Variants in EPHB2 observed in about 807,000 individuals in gnomAD.
The protein encoded by EPHB2 is ephrin type-B receptor 2.
A neutral mutation model predicts 96.4 loss-of-function variants in EPHB2; 18 were observed. That is an observed-to-expected ratio of 0.19 (90% confidence interval 0.13 to 0.28). The LOEUF (loss-of-function observed/expected upper bound fraction) is 0.28, where lower values mean the gene tolerates loss of function less well. EPHB2 is among the 10% of genes least tolerant of loss of function. The probability of loss-of-function intolerance (pLI) is 1.00; values close to 1 mark genes in which losing one functional copy is unlikely to be tolerated. For missense variants in EPHB2, 989 were observed against 1,355.4 expected (o/e 0.73, Z 4.25); for synonymous variants, 506 against 534.1 (o/e 0.95, Z 0.72).
At chr1:22,765,329 T>C (rs1644292742) in intron 1 of EPHB2, among the ~76,000 whole-genome samples, 1 of 151,932 alleles carries the variant, frequency 6.6e-6, no homozygotes, top group Non-Finnish European at 1.5e-5. Context: ...GAAGGATCAC[T>C]TGAGGTCAGG....
rs1457902685 is a variant in EPHB2 at position 22,913,605 on chromosome 1, C to A, written c.*35C>A. The stretch of plus-strand genomic sequence containing the variant: ...GCCTCGGCTCACCTCTTCCTCCAAG[C>A]CCCGCCCCCTCTGCCCCACGTGCCG... On this transcript the variant is annotated 3_prime_UTR_variant, in exon 16 of 16. Transcript: ENST00000374630. The surrounding 1 kb of genome is among the most constrained non-coding windows in gnomAD (Gnocchi z 4.1). The A allele has an allele frequency of 1.1e-5, 18 of 1,612,938 alleles. No homozygotes were observed. Among genetic ancestry groups the A allele is most frequent in the Non-Finnish European group, 1.5e-5 (18 of 1,179,548 alleles).
chr1:22,776,885 G>A (rs763536606), intron 1 of EPHB2, among the ~76,000 whole-genome samples: 3 of 152,230 alleles, frequency 2.0e-5, no homozygotes, highest in African/African-American at 4.8e-5. Flanking sequence ...GAGGAGGCCC[G>A]TGTGCCAAGC....
chr1:22,801,735 A>C (rs957685421), intron 3 of EPHB2, among the ~76,000 whole-genome samples: 2 of 152,100 alleles, frequency 1.3e-5, no homozygotes, highest in Non-Finnish European at 2.9e-5. Flanking sequence ...CTCCCATCCC[A>C]TCCCCTTCCC....
At chr1:22,771,733 G>A (rs971824396) in intron 1 of EPHB2, among the ~76,000 whole-genome samples, 1 of 152,204 alleles carries the variant, frequency 6.6e-6, no homozygotes, top group African/African-American at 2.4e-5. Context: ...AGTAATGCCA[G>A]CTGCCATGAT....
intron 7 of EPHB2, among the ~76,000 whole-genome samples, chr1:22,895,021 G>A (rs917102938): frequency 6.6e-6 from 1 of 152,178 alleles, no homozygotes; most frequent in Non-Finnish European, 1.5e-5. Context: ...TACAGATAAG[G>A]CAACTGAGGC....
intron 1 of EPHB2, among the ~76,000 whole-genome samples, chr1:22,777,265 G>A (rs1644465670): frequency 3.3e-5 from 5 of 152,240 alleles, no homozygotes; most frequent in Admixed American, 3.3e-4. Context: ...TGCAGCTTGA[G>A]GGTGGAATAG....
In EPHB2 at chr1:22,908,549, G is replaced by A. The variant is rs566707239; in HGVS notation, c.2352+381G>A. Among the ~76,000 whole-genome samples, 5 of 152,382 alleles carry A rather than the reference G, an allele frequency of 3.3e-5. No individual in the cohort carries two copies. The South Asian group carries it at 6.2e-4, about 19-fold the overall frequency. The stretch of plus-strand genomic sequence containing the variant: ...AGGGGCAGTGGTAGTGAGCAGTCAC[G>A]CTGGAGAGGTAGACAGGGCTGGACC... On this transcript the variant is annotated intron_variant, in intron 12 of 15. Transcript: ENST00000374630.
At chr1:22,805,749 T>A (rs1333311524) in intron 3 of EPHB2, among the ~76,000 whole-genome samples, 2 of 151,646 alleles carry the variant, frequency 1.3e-5, no homozygotes, top group Non-Finnish European at 2.9e-5. Flanking sequence ...AGAGAGAGAT[T>A]GGGAGGGAGA....
rs560378330 is a variant in EPHB2 at position 22,906,027 on chromosome 1, C to T, written c.1806C>T (p.Tyr602=). 1.4e-4 allele frequency: 220 copies of T among 1,614,238 alleles called. 1 individual carries two copies. In the South Asian group the frequency reaches 1.7e-3, roughly 12 times the overall value. ...AGATCTACATCGATCCTTTCACCTA[C>T]GAGGACCCCAACGAGGCAGTGCGGG... ...GMKIYIDPFT[Y]EDPNEAVREF... is the part of the protein sequence containing the mutation. Residue 602 remains tyrosine, a synonymous_variant, in exon 10 of 16, where the codon TAC becomes TAT. Coordinates refer to ENST00000374630, the MANE Select transcript of EPHB2 (RefSeq NM_017449.5). The surrounding 1 kb of genome is among the most constrained non-coding windows in gnomAD (Gnocchi z 4.8).
chr1:22,903,653 A>T (rs535269806), intron 9 of EPHB2, among the ~76,000 whole-genome samples: 1 of 152,204 alleles, frequency 6.6e-6, no homozygotes, highest in African/African-American at 2.4e-5. Context: ...CTTTCCTCCA[A>T]GAGTTTTTGA....
At chr1:22,831,973 G>A (rs1645310412) in intron 3 of EPHB2, among the ~76,000 whole-genome samples, 1 of 152,174 alleles carries the variant, frequency 6.6e-6, no homozygotes, top group Admixed American at 6.5e-5. Context: ...CTGGAGGGAG[G>A]GGTACTGGGG....
chr1:22,906,987 A>G lies in EPHB2; in HGVS notation c.2136+30A>G, dbSNP rs753757352. ...GGGAAGCCAAGAGGGCCAGGGGCCC[A>G]TGAATGGGGCAGGAAAAGGAACGAT... On this transcript the variant is annotated intron_variant, in intron 11 of 15. Transcript: ENST00000374630. The surrounding 1 kb of genome is among the most constrained non-coding windows in gnomAD (Gnocchi z 4.8). 6.3e-7 allele frequency: 1 copy of G among 1,582,856 alleles called. No individual in the cohort carries two copies. Among genetic ancestry groups the G allele is most frequent in the Non-Finnish European group, 8.6e-7 (1 of 1,163,732 alleles).
chr1:22,713,169 C>G (rs958445914), intron 1 of EPHB2, among the ~76,000 whole-genome samples: 2 of 152,132 alleles, frequency 1.3e-5, no homozygotes, highest in Non-Finnish European at 2.9e-5. Flanking sequence ...AGGGCTGCAG[C>G]AGGCACCCCA....
At chr1:22,901,354 C>T (rs1639741464) in intron 9 of EPHB2, among the ~76,000 whole-genome samples, 1 of 152,218 alleles carries the variant, frequency 6.6e-6, no homozygotes, top group East Asian at 1.9e-4. Flanking sequence ...TGCCCAAGGG[C>T]ACACTGCTGG....
chr1:22,775,107 A>G (rs376638466), intron 1 of EPHB2: 1 of 749,168 alleles, frequency 1.3e-6, no homozygotes, highest in Admixed American at 1.9e-5. Context: ...AAATGCACAC[A>G]CACAAGCCCT....
At position 22,711,505 on chromosome 1, in the gene EPHB2, G is replaced by A. The variant is rs1401930904; in HGVS notation, c.61+462G>A. 4.0e-5 allele frequency among the ~76,000 whole-genome samples: 6 copies of A among 151,342 alleles called. No individual in the cohort carries two copies. In the East Asian group the frequency reaches 1.2e-3, roughly 30 times the overall value. ...GGGAGGGAGGCACCGCGGCCGGCCG[G>A]GGTGGGGGCTCCCGGCCCGCGCCCC... On this transcript the variant is annotated intron_variant, in intron 1 of 15. Transcript: ENST00000374630.
chr1:22,875,405 A>G lies in EPHB2; in HGVS notation c.1304-6954A>G, dbSNP rs1015189476. Among the ~76,000 whole-genome samples the G allele has an allele frequency of 2.4e-4, 37 of 152,170 alleles. No homozygotes were observed. The highest frequency in any genetic ancestry group is 8.7e-4 in the African/African-American group (36 of 41,450). Reference sequence around the variant, plus strand: ...TGGAACTGTTAGCTAGCTGGTGGCAAGAGGCCCCACGTCACTGCAGCAGTT... The same window carrying G: ...TGGAACTGTTAGCTAGCTGGTGGCAGGAGGCCCCACGTCACTGCAGCAGTT... On this transcript the variant is annotated intron_variant, in intron 5 of 15. Coordinates refer to ENST00000374630, the MANE Select transcript of EPHB2 (RefSeq NM_017449.5). This position sits in a 1 kb window ranked among gnomAD's most constrained non-coding sequence, Gnocchi z 4.2.
At chr1:22,833,798 A>C (rs377227639) in intron 3 of EPHB2, among the ~76,000 whole-genome samples, 1 of 152,226 alleles carries the variant, frequency 6.6e-6, no homozygotes, top group Non-Finnish European at 1.5e-5. Flanking sequence ...ACAGAAATTC[A>C]TAGTTTGGAT....
In EPHB2 at chr1:22,830,802, G is replaced by A. The variant is rs1368808717; in HGVS notation, c.812-32235G>A. On this transcript the variant is annotated intron_variant, in intron 3 of 15. Transcript: ENST00000374630. ...GAACTCCTGACCTCATGATCCACCC[G>A]CCTTGGCCTCCCAAAGTCCTAGAAT... 4.6e-5 allele frequency among the ~76,000 whole-genome samples: 7 copies of A among 152,144 alleles called. No individual in the cohort carries two copies. The East Asian group carries it at 9.7e-4, about 21-fold the overall frequency.
Sources: allele counts gnomAD v4.1 joint callset (sites outside exome capture counted in the v4.1 genomes callset), GRCh38; gene constraint gnomAD v4.1.1; non-coding constraint Gnocchi (gnomAD v3.1); transcripts MANE v1.5; gene names NCBI Gene and HGNC (gene_info 2026-07-23, HGNC 2026-07-21).